Variants in LRRC63 observed in about 807,000 individuals in gnomAD.
LRRC63 encodes leucine rich repeat containing 63, also known as leucine-rich repeat-containing protein 63.
In LRRC63, 40 loss-of-function variants were observed where a neutral mutation model predicts 49.5. The observed-to-expected ratio is 0.81, with a 90% CI of 0.63 to 1.05. The LOEUF is 1.05. Ranked by LOEUF, LRRC63 falls within the 50% of genes least tolerant of loss-of-function variation. The pLI, the probability that LRRC63 is intolerant of heterozygous loss-of-function variation, is 0.00. For missense variants in LRRC63, 636 were observed against 663.1 expected (o/e 0.96, Z 0.45); for synonymous variants, 191 against 221.1 (o/e 0.86, Z 1.21).
chr13:46,213,091 G>A (rs1261142113), exon 2 of LRRC63: 1 of 1,548,888 alleles, frequency 6.5e-7, no homozygotes, highest in Non-Finnish European at 8.7e-7. Flanking sequence ...TCACTAAGCT[G>A]TCTTTACATG....
chr13:46,262,150 C>T (rs1050187644), intron 8 of LRRC63, among the ~76,000 whole-genome samples, 158 bp downstream of exon 8: 6 of 151,204 alleles, frequency 4.0e-5, no homozygotes, highest in Non-Finnish European at 8.8e-5. Flanking sequence ...GATTGGTGTA[C>T]AGTATTTTTA....
chr13:46,234,780 G>A (rs1050514951), intron 5 of LRRC63, among the ~76,000 whole-genome samples: 4 of 152,112 alleles, frequency 2.6e-5, no homozygotes, highest in African/African-American at 9.7e-5. Flanking sequence ...TGTAACGTAA[G>A]TATTATAATC....
intron 2 of LRRC63, among the ~76,000 whole-genome samples, chr13:46,214,493 T>C (rs1296523200): frequency 6.6e-6 from 1 of 152,206 alleles, no homozygotes; most frequent in Admixed American, 6.5e-5. Context: ...AAGTTTATCT[T>C]CTAGTACAGA....
At chr13:46,250,263 A>G in intron 6 of LRRC63, 92 bp from the exon 7 acceptor site, 2 of 1,115,890 alleles carry the variant, frequency 1.8e-6, no homozygotes, top group African/African-American at 3.2e-5. Flanking sequence ...TAATGATTCT[A>G]CATTAGTTCA....
At chr13:46,236,391 C>T (rs1224768543) in intron 5 of LRRC63, among the ~76,000 whole-genome samples, 1 of 152,040 alleles carries the variant, frequency 6.6e-6, no homozygotes, top group Non-Finnish European at 1.5e-5. Flanking sequence ...TTGTCAAAAG[C>T]CAAAGTCAAA....
Position 46,251,657 on chromosome 13 carries a change from C to T in LRRC63, c.1226+1166C>T, listed in dbSNP as rs903070502. Among the ~76,000 whole-genome samples, 6 of 151,670 alleles carry T rather than the reference C, an allele frequency of 4.0e-5. No individual in the cohort carries two copies. The South Asian group carries it at 1.2e-3, about 31-fold the overall frequency. On this transcript the variant is annotated intron_variant, in intron 7 of 9. Coordinates refer to ENST00000595396, the Ensembl canonical transcript of LRRC63. ...AAGTAATATATGTATGTATACTAACCCATGTGTACACACATATCTGTAATT... is the reference window on the plus strand; with the variant it reads ...AAGTAATATATGTATGTATACTAACTCATGTGTACACACATATCTGTAATT...
At chr13:46,222,279 G>T (rs932287194) in intron 2 of LRRC63, among the ~76,000 whole-genome samples, 8 of 152,056 alleles carry the variant, frequency 5.3e-5, no homozygotes, top group African/African-American at 1.9e-4. Context: ...TTGTGGTATG[G>T]ATAGTTTGCA....
intron 5 of LRRC63, among the ~76,000 whole-genome samples, chr13:46,242,771 AAAC>A (rs1435512822): frequency 2.0e-5 from 3 of 151,862 alleles, no homozygotes; most frequent in Non-Finnish European, 4.4e-5. Context: ...GAAAAAAAAA[AAAC>A]AAAAAACCTC....
chr13:46,248,145 T>C (rs892386580), intron 6 of LRRC63, among the ~76,000 whole-genome samples: 11 of 152,112 alleles, frequency 7.2e-5, no homozygotes, highest in African/African-American at 2.6e-4. Context: ...AAAACATTTA[T>C]TGAAGTCATA....
At chr13:46,250,024 G>A (rs1662590198) in intron 6 of LRRC63, 2 of 163,032 alleles carry the variant, frequency 1.2e-5, no homozygotes, top group Admixed American at 1.3e-4. Context: ...TGGTTCTGCA[G>A]ATACCTCCTT....
intron 7 of LRRC63, among the ~76,000 whole-genome samples, chr13:46,257,902 T>G (rs911539152): frequency 1.3e-5 from 2 of 151,226 alleles, no homozygotes; most frequent in African/African-American, 2.5e-5. Context: ...TTTCCATATG[T>G]TAAAATATGC....
chr13:46,227,678 T>A, exon 3 of LRRC63: 1 of 1,550,458 alleles, frequency 6.4e-7, no homozygotes, highest in Non-Finnish European at 8.7e-7. Context: ...AAAGAGTGAC[T>A]GCAATTTCAT....
intron 2 of LRRC63, among the ~76,000 whole-genome samples, chr13:46,218,264 G>T (rs1412948468): frequency 6.6e-6 from 1 of 152,192 alleles, no homozygotes; most frequent in African/African-American, 2.4e-5. Context: ...CTAAGAACTT[G>T]CTTTATGAAT....
At chr13:46,248,636 A>G (rs1192623160) in intron 6 of LRRC63, among the ~76,000 whole-genome samples, 1 of 151,978 alleles carries the variant, frequency 6.6e-6, no homozygotes, top group African/African-American at 2.4e-5. Context: ...TATATGAAAC[A>G]AAAACCAAAG....
chr13:46,262,495 G>A (rs1305094470), intron 8 of LRRC63, among the ~76,000 whole-genome samples: 1 of 152,048 alleles, frequency 6.6e-6, no homozygotes, highest in Non-Finnish European at 1.5e-5. Context: ...ATTCTCTTTA[G>A]AACATAATCT....
At chr13:46,276,828 G>GTGTGTATATA (rs1175818781) in exon 10 of LRRC63, 10 of 140,044 alleles carry the variant, frequency 7.1e-5, no homozygotes, top group African/African-American at 3.1e-4. Flanking sequence ...GTATGTGTGT[G>GTGTGTATATA]TATATATATA....
intron 6 of LRRC63, 22 bp downstream of exon 6, chr13:46,246,647 T>C: frequency 3.6e-6 from 4 of 1,109,368 alleles, no homozygotes; most frequent in South Asian, 2.2e-5. Flanking sequence ...TTTATTGTTA[T>C]GTACTGATAT....
intron 7 of LRRC63, among the ~76,000 whole-genome samples, chr13:46,252,793 A>T (rs867203819): frequency 6.6e-6 from 1 of 152,046 alleles, no homozygotes; most frequent in Non-Finnish European, 1.5e-5. Flanking sequence ...CATATATAAC[A>T]TGAGATGGGA....
intron 2 of LRRC63, among the ~76,000 whole-genome samples, chr13:46,218,692 A>G (rs920067501): frequency 2.0e-5 from 3 of 152,138 alleles, no homozygotes; most frequent in Admixed American, 2.0e-4. Context: ...GTTTCTTCAT[A>G]GTGTTGATGG....
Sources: allele counts gnomAD v4.1 joint callset (sites outside exome capture counted in the v4.1 genomes callset), GRCh38; gene constraint gnomAD v4.1.1; transcripts MANE v1.5; gene names NCBI Gene and HGNC (gene_info 2026-07-23, HGNC 2026-07-21).